HERC4: variants seen among roughly 807,000 people sequenced by gnomAD.
The protein encoded by HERC4 is probable E3 ubiquitin-protein ligase HERC4.
In HERC4, 28 loss-of-function variants were observed where a neutral mutation model predicts 124.3. The observed-to-expected ratio is 0.23, with a 90% CI of 0.17 to 0.31. The LOEUF (loss-of-function observed/expected upper bound fraction) is 0.31, where lower values mean the gene tolerates loss of function less well. Among genes scored for constraint, HERC4 ranks in the 10% least tolerant of loss-of-function variants. The probability of loss-of-function intolerance (pLI) is 1.00; values close to 1 mark genes in which losing one functional copy is unlikely to be tolerated. For missense variants in HERC4, 713 were observed against 1,229.3 expected (o/e 0.58, Z 6.28); for synonymous variants, 407 against 421.5 (o/e 0.97, Z 0.42).
intron 22 of HERC4, among the ~76,000 whole-genome samples, chr10:67,935,435 G>A (rs916342604): frequency 3.9e-5 from 6 of 152,136 alleles, no homozygotes; most frequent in Non-Finnish European, 7.4e-5. Context: ...GTGAGTCACT[G>A]TGCGGGGCCT....
At chr10:67,941,462 G>A (rs953305226) in intron 19 of HERC4, among the ~76,000 whole-genome samples, 3 of 151,576 alleles carry the variant, frequency 2.0e-5, no homozygotes, top group African/African-American at 4.8e-5. Flanking sequence ...ATACACATTC[G>A]AAATTTGGAA....
At chr10:68,044,089 G>A in intron 4 of HERC4, among the ~76,000 whole-genome samples, 1 of 151,972 alleles carries the variant, frequency 6.6e-6, no homozygotes, top group East Asian at 1.9e-4. Flanking sequence ...TCAATAGCAG[G>A]AATACTCAAG....
At chr10:67,996,236 C>T in intron 9 of HERC4, 1 of 365,198 alleles carries the variant, frequency 2.7e-6, no homozygotes, top group South Asian at 2.0e-5. Flanking sequence ...CACGCCACTG[C>T]AATCCAGCCT....
At chr10:67,983,510 TG>T (rs1344754167) in intron 15 of HERC4, among the ~76,000 whole-genome samples, 20 of 152,242 alleles carry the variant, frequency 1.3e-4, no homozygotes, top group Admixed American at 3.9e-4. Flanking sequence ...CCGGGTGCAG[TG>T]GCTTGTGCCT....
At position 67,928,835 on chromosome 10, in the gene HERC4, C is replaced by T. The variant is rs1589112960; in HGVS notation, c.2839-3648G>A. The stretch of plus-strand genomic sequence containing the variant: ...ACTCGGGAGGCTGAGGCAGAAGAAT[C>T]GCTTGAACTTGGGAGGCGGAGGCTG... On this transcript the variant is annotated intron_variant, in intron 23 of 24. Coordinates refer to ENST00000373700, the MANE Select transcript of HERC4 (RefSeq NM_015601.4). 2.0e-5 allele frequency among the ~76,000 whole-genome samples: 3 copies of T among 152,116 alleles called. No individual in the cohort carries two copies. In the South Asian group the frequency reaches 6.2e-4, roughly 32 times the overall value.
chr10:67,937,506 T>C (rs1217459816), intron 21 of HERC4, among the ~76,000 whole-genome samples: 1 of 152,054 alleles, frequency 6.6e-6, no homozygotes, highest in Non-Finnish European at 1.5e-5. Context: ...ACTGAGATGA[T>C]CAATAAAAAT....
intron 1 of HERC4, chr10:68,074,710 C>T (rs1260845890): frequency 1.3e-5 from 2 of 152,430 alleles, no homozygotes; most frequent in African/African-American, 2.4e-5. Flanking sequence ...CTTCAGAGGC[C>T]GGCGGCCGAG....
At chr10:67,929,950 A>G (rs1339930500) in intron 23 of HERC4, among the ~76,000 whole-genome samples, 1 of 151,854 alleles carries the variant, frequency 6.6e-6, no homozygotes, top group African/African-American at 2.4e-5. Flanking sequence ...AGCAGCTGGG[A>G]TTACAGGCAC....
chr10:67,927,414 ATATATATATATATATATTTTTT>A (rs1331218207), intron 23 of HERC4, among the ~76,000 whole-genome samples: 4 of 8,678 alleles, frequency 4.6e-4, no homozygotes, highest in African/African-American at 1.3e-3. Context: ...ATATATATAT[ATATATATATATATATATTTTTT>A]TTTTTTTTTA....
Position 68,069,686 on chromosome 10 carries a change from C to T in HERC4, c.226+3197G>A, listed in dbSNP as rs537771055. Reference sequence around the variant, plus strand: ...GAATATGTATATTTATAAAGCCAACCTATGTAAAGAAACAATTCTTAGTTC... The same window carrying T: ...GAATATGTATATTTATAAAGCCAACTTATGTAAAGAAACAATTCTTAGTTC... On this transcript the variant is annotated intron_variant, in intron 3 of 24. Transcript: ENST00000373700. The T allele has an allele frequency of 1.0e-5, 10 of 985,330 alleles. No homozygotes were observed. In the East Asian group the frequency reaches 7.9e-4, roughly 78 times the overall value. 61.0% of individuals were successfully genotyped at this position (985,330 alleles called of 1,614,324 possible).
rs1339659432 is a variant in HERC4 at position 68,046,234 on chromosome 10, T to G, written c.227-1671A>C. On this transcript the variant is annotated intron_variant, in intron 3 of 24. Transcript: ENST00000373700. ...AAGTAAATGTTTAAAAGATCTGTTA[T>G]CTCAGAGGCTCCAGAAAAAGTCAAG... 2.0e-5 allele frequency among the ~76,000 whole-genome samples: 3 copies of G among 152,132 alleles called. No homozygotes were observed. In the East Asian group the frequency reaches 5.8e-4, roughly 29 times the overall value.
chr10:68,041,108 T>C (rs1332636905), intron 4 of HERC4, among the ~76,000 whole-genome samples: 1 of 150,478 alleles, frequency 6.6e-6, no homozygotes, highest in Non-Finnish European at 1.5e-5. Context: ...AAATCAGGCA[T>C]TGTTAGTTAT....
At chr10:68,010,848 C>T (rs2037907241) in intron 9 of HERC4, 2 of 1,532,508 alleles carry the variant, frequency 1.3e-6, no homozygotes, top group Non-Finnish European at 1.8e-6. Flanking sequence ...TGCTCAAGTT[C>T]TTTCTGCAGA....
In HERC4 at chr10:68,044,502, C is replaced by T. The variant is rs371403729; in HGVS notation, c.288G>A (p.Thr96=). ...CCTGGCCTTTGTCATTTAGCGCTAA[C>T]GTATGAGCTTCTCCACATGAAACAG... ...IVAVSCGEAH[T]LALNDKGQVY... The change falls in exon 4 of 25, where the codon ACG becomes ACA. Residue 96 remains threonine (T), a synonymous_variant. Transcript: ENST00000373700. 46 of 1,613,976 alleles carry T rather than the reference C, an allele frequency of 2.9e-5. No individual in the cohort carries two copies. Among genetic ancestry groups the T allele is most frequent in the Middle Eastern group, 1.6e-4 (1 of 6,084 alleles).
chr10:67,937,681 CT>C (rs538781630), intron 21 of HERC4, among the ~76,000 whole-genome samples: 311 of 136,410 alleles, frequency 2.3e-3, no homozygotes, highest in Middle Eastern at 0.011. Context: ...TGGAGAGCAA[CT>C]TTTTTTTTTT....
intron 3 of HERC4, among the ~76,000 whole-genome samples, chr10:68,053,140 CA>C (rs2040395721): frequency 6.6e-6 from 1 of 152,098 alleles, no homozygotes; most frequent in South Asian, 2.1e-4. Context: ...ATAAAATCAC[CA>C]TGAACATTGA....
At chr10:67,981,865 G>A (rs1273442023) in intron 15 of HERC4, among the ~76,000 whole-genome samples, 4 of 151,882 alleles carry the variant, frequency 2.6e-5, no homozygotes, top group Non-Finnish European at 5.9e-5. Context: ...CACTTGAATC[G>A]GGGGGGTGGA....
intron 3 of HERC4, among the ~76,000 whole-genome samples, chr10:68,065,984 G>GA (rs574714667): frequency 5.1e-4 from 74 of 144,594 alleles, no homozygotes; most frequent in South Asian, 1.1e-3. Context: ...TCATCAAAAT[G>GA]AAAAAAAAAA....
intron 19 of HERC4, among the ~76,000 whole-genome samples, chr10:67,952,879 G>T (rs999853680): frequency 6.6e-6 from 1 of 150,428 alleles, no homozygotes; most frequent in South Asian, 2.1e-4. Context: ...CAGCCTGGGC[G>T]ACAGAGGGAG....
Sources: gnomAD v4.1 joint callset for allele counts (sites outside exome capture counted in the v4.1 genomes callset) on GRCh38, gnomAD v4.1.1 for gene constraint, MANE v1.5 for transcripts, NCBI Gene and HGNC (gene_info 2026-07-23, HGNC 2026-07-21) for gene names.